Variants in RBFOX1 observed in about 807,000 individuals in gnomAD.
RBFOX1 encodes the protein RNA binding protein fox-1 homolog 1.
Under a neutral mutation model 57.7 loss-of-function variants are expected in RBFOX1, and 8 were observed. The ratio of observed to expected loss-of-function variants is 0.14; its 90% CI spans 0.08 to 0.25. The LOEUF is 0.25. RBFOX1 is among the 10% of genes least tolerant of loss of function. The probability of loss-of-function intolerance (pLI) is 1.00; values close to 1 mark genes in which losing one functional copy is unlikely to be tolerated. For synonymous variants in RBFOX1, 326 were observed against 222.4 expected (o/e 1.47, Z -4.15); for missense variants, 611 against 548.5 (o/e 1.11, Z -1.14).
chr16:6,666,622 CTTTG>C (rs1329372858), intron 3 of RBFOX1, among the ~76,000 whole-genome samples: 4 of 151,738 alleles, frequency 2.6e-5, no homozygotes, highest in Non-Finnish European at 4.4e-5. Context: ...CCCAGGAAGT[CTTTG>C]TTTGACTCTT....
intron 4 of RBFOX1, among the ~76,000 whole-genome samples, chr16:7,382,116 A>G (rs1163881299): frequency 6.6e-6 from 1 of 152,242 alleles, no homozygotes; most frequent in East Asian, 1.9e-4. Context: ...CTGAGAAAAC[A>G]ATATATTTGA....
intron 1 of RBFOX1, among the ~76,000 whole-genome samples, chr16:6,222,347 A>C (rs2097379988): frequency 6.6e-6 from 1 of 152,090 alleles, no homozygotes; most frequent in East Asian, 1.9e-4. Context: ...AATTTCATGC[A>C]AGCTTGAAAC....
chr16:7,460,160 C>A (rs1030258450), intron 4 of RBFOX1, among the ~76,000 whole-genome samples: 1 of 151,452 alleles, frequency 6.6e-6, no homozygotes, highest in Non-Finnish European at 1.5e-5. Context: ...ATTTGCTTAT[C>A]CTCTTAGGCT....
chr16:5,441,539 A>G (rs751323913), intron 1 of RBFOX1, among the ~76,000 whole-genome samples: 12 of 151,820 alleles, frequency 7.9e-5, no homozygotes, highest in Non-Finnish European at 1.2e-4. Flanking sequence ...TAATTTTTGT[A>G]TTTTTAGTAG....
intron 4 of RBFOX1, among the ~76,000 whole-genome samples, chr16:7,272,385 A>G (rs191134458): frequency 7.5e-4 from 114 of 152,198 alleles, no homozygotes; most frequent in African/African-American, 2.6e-3. Context: ...GTGTTCCGCC[A>G]TGTTGGCCAG....
At chr16:5,563,374 A>G (rs2045954196) in intron 2 of RBFOX1, among the ~76,000 whole-genome samples, 1 of 152,242 alleles carries the variant, frequency 6.6e-6, no homozygotes, top group Admixed American at 6.5e-5. Context: ...AAGGAGTCAC[A>G]TATCCTCATC....
chr16:5,383,171 C>T (rs1022620259), intron 1 of RBFOX1, among the ~76,000 whole-genome samples: 3 of 152,288 alleles, frequency 2.0e-5, no homozygotes, highest in African/African-American at 7.2e-5. Context: ...TATGGAGACA[C>T]AGCCAACAAG....
intron 4 of RBFOX1, among the ~76,000 whole-genome samples, chr16:7,075,615 C>T (rs996263648): frequency 6.6e-6 from 1 of 152,024 alleles, no homozygotes; most frequent in Non-Finnish European, 1.5e-5. Flanking sequence ...GAGTCTCGCT[C>T]TGTTGCGCAG....
At chr16:6,867,316 C>T (rs772301467) in intron 3 of RBFOX1, among the ~76,000 whole-genome samples, 22 of 151,992 alleles carry the variant, frequency 1.4e-4, no homozygotes, top group Non-Finnish European at 2.5e-4. Flanking sequence ...TCATTATTGG[C>T]TCTGATGATG....
chr16:6,169,541 A>G (rs746144952), intron 1 of RBFOX1, among the ~76,000 whole-genome samples: 11 of 152,300 alleles, frequency 7.2e-5, no homozygotes, highest in Middle Eastern at 3.4e-3. Flanking sequence ...AGATTCAGAG[A>G]GACTCCAGCA....
At chr16:6,535,992 T>C (rs889426799) in intron 2 of RBFOX1, among the ~76,000 whole-genome samples, 26 of 152,204 alleles carry the variant, frequency 1.7e-4, no homozygotes, top group Non-Finnish European at 7.3e-5. Context: ...TTCATATATA[T>C]CTATCTCTAG....
chr16:5,358,063 C>T lies in RBFOX1; in HGVS notation c.220-109153C>T, dbSNP rs543181595. Among the ~76,000 whole-genome samples, 69 of 152,270 alleles carry T rather than the reference C, an allele frequency of 4.5e-4. 3 individuals are homozygous for T. The Middle Eastern group carries it at 0.01, about 23-fold the overall frequency. On this transcript the variant is annotated intron_variant, in intron 1 of 2. Transcript: ENST00000585867. ...TGTTCAGGAGGCTTAGACTCCGAGA[C>T]CAAGATGTCGGCAGTATGGCTTCCA...
chr16:5,587,891 C>T (rs2046885123), intron 2 of RBFOX1, among the ~76,000 whole-genome samples: 1 of 152,174 alleles, frequency 6.6e-6, no homozygotes, highest in South Asian at 2.1e-4. Context: ...CCTATGTCCT[C>T]ATGATAACGT....
At chr16:5,716,560 A>G (rs920688273) in intron 3 of RBFOX1, among the ~76,000 whole-genome samples, 2 of 152,226 alleles carry the variant, frequency 1.3e-5, no homozygotes, top group African/African-American at 4.8e-5. Flanking sequence ...ACAATAACAG[A>G]TGTGGGCGAG....
rs117887941 is a variant in RBFOX1 at position 7,184,645 on chromosome 16, T to A, written c.27+132547T>A. ...TAGAGCAGTCACAGTATACCATGCT[T>A]GATCACATGGGTATACCTAAACAGT... On this transcript the variant is annotated intron_variant, in intron 4 of 15. Coordinates refer to ENST00000550418, the MANE Select transcript of RBFOX1 (RefSeq NM_018723.4). Among the ~76,000 whole-genome samples, 261 of 151,378 alleles carry A rather than the reference T, an allele frequency of 1.7e-3. 2 individuals are homozygous for A. In the East Asian group the frequency reaches 0.043, roughly 25 times the overall value.
At chr16:6,277,246 A>C (rs72776481) in intron 1 of RBFOX1, among the ~76,000 whole-genome samples, 1 of 151,900 alleles carries the variant, frequency 6.6e-6, no homozygotes, top group Non-Finnish European at 1.5e-5. Flanking sequence ...AGATAACTTC[A>C]CCCTAGGAGT....
At chr16:6,240,918 A>G (rs1296968070) in intron 1 of RBFOX1, among the ~76,000 whole-genome samples, 4 of 152,004 alleles carry the variant, frequency 2.6e-5, no homozygotes, top group Admixed American at 1.3e-4. Flanking sequence ...TGTTCACTGT[A>G]CTCTGTGACA....
intron 2 of RBFOX1, among the ~76,000 whole-genome samples, chr16:6,425,435 C>T (rs1458481027): frequency 6.6e-6 from 1 of 152,202 alleles, no homozygotes; most frequent in African/African-American, 2.4e-5. Flanking sequence ...GCCTTCTGCA[C>T]ACCCCCTACC....
In RBFOX1 at chr16:6,979,967, G is replaced by A. The variant is rs898199286; in HGVS notation, c.-15-72090G>A. On this transcript the variant is annotated intron_variant, in intron 3 of 15. Coordinates refer to ENST00000550418, the MANE Select transcript of RBFOX1 (RefSeq NM_018723.4). Reference sequence around the variant, plus strand: ...TCTCTGGGGAAGCTTTCATTTTCCTGTTGGAGTGGGTACCTTCTAACACCG... The same window carrying A: ...TCTCTGGGGAAGCTTTCATTTTCCTATTGGAGTGGGTACCTTCTAACACCG... Among the ~76,000 whole-genome samples, 9 of 152,222 alleles carry A rather than the reference G, an allele frequency of 5.9e-5. No individual in the cohort carries two copies. In the Middle Eastern group the frequency reaches 0.02, roughly 345 times the overall value.
Sources: gnomAD v4.1 joint callset for allele counts (sites outside exome capture counted in the v4.1 genomes callset) on GRCh38, gnomAD v4.1.1 for gene constraint, MANE v1.5 for transcripts, NCBI Gene and HGNC (gene_info 2026-07-23, HGNC 2026-07-21) for gene names.